Variants in PPP2CA observed in about 807,000 individuals in gnomAD.
PPP2CA encodes serine/threonine-protein phosphatase 2A catalytic subunit alpha isoform.
Under a neutral mutation model 38.8 loss-of-function variants are expected in PPP2CA, and 5 were observed. That is an observed-to-expected ratio of 0.13 (90% CI 0.07 to 0.27). The LOEUF (loss-of-function observed/expected upper bound fraction) is 0.27, where lower values mean the gene tolerates loss of function less well. Among genes scored for constraint, PPP2CA ranks in the 10% least tolerant of loss-of-function variants. PPP2CA has a pLI of 1.00. For missense variants in PPP2CA, 88 were observed against 389.7 expected, an observed-to-expected ratio of 0.23 and a Z score of 6.52; for synonymous variants, 152 against 134.0, an observed-to-expected ratio of 1.13 and a Z score of -0.93.
At chr5:134,207,247 T>TA (rs1322684669) in intron 1 of PPP2CA, among the ~76,000 whole-genome samples, 1 of 151,684 alleles carries the variant, frequency 6.6e-6, no homozygotes, top group Non-Finnish European at 1.5e-5. Flanking sequence ...CCACTAAAAA[T>TA]AAAAAAAACT....
At chr5:134,207,022 G>A (rs375532827) in intron 1 of PPP2CA, among the ~76,000 whole-genome samples, 1 of 152,204 alleles carries the variant, frequency 6.6e-6, no homozygotes. Context: ...CAAATTACCA[G>A]AGAATTGTTG....
intron 1 of PPP2CA, among the ~76,000 whole-genome samples, chr5:134,209,648 T>C (rs1399699048): frequency 2.0e-5 from 3 of 152,018 alleles, no homozygotes; most frequent in Non-Finnish European, 4.4e-5. Flanking sequence ...TGTTGTGGTG[T>C]AGGCCCGTAA....
chr5:134,211,244 C>T (rs1762198070), intron 1 of PPP2CA, among the ~76,000 whole-genome samples: 1 of 152,074 alleles, frequency 6.6e-6, no homozygotes, highest in Non-Finnish European at 1.5e-5. Context: ...GCATGCACCA[C>T]TGAGGACACT....
At chr5:134,209,481 G>T (rs558094965) in intron 1 of PPP2CA, among the ~76,000 whole-genome samples, 5 of 152,288 alleles carry the variant, frequency 3.3e-5, no homozygotes, top group African/African-American at 1.2e-4. Flanking sequence ...TCATATAAAA[G>T]ATCATTTTGG....
chr5:134,197,937 TC>T (rs1761889096), intron 6 of PPP2CA, 93 bp from the exon 7 acceptor site: 2 of 1,043,574 alleles, frequency 1.9e-6, no homozygotes, highest in Non-Finnish European at 3.0e-6. Flanking sequence ...ACTTTACACT[TC>T]CTATTCAATT....
rs1330304065 is a variant in PPP2CA at position 134,197,777 on chromosome 5, G to A, written c.925C>T (p.Leu309=). 2 of 1,613,562 alleles carry A rather than the reference G, an allele frequency of 1.2e-6. No homozygotes were observed. Among genetic ancestry groups the A allele is most frequent in the Non-Finnish European group, 1.7e-6 (2 of 1,179,494 alleles). ...TGTACAAGTTTAAAATTTCATTACA[G>A]GAAGTAGTCTGGGGTACGACGAGTA... ...HVTRRTPDYF[L] The change falls in exon 7 of 7, where the codon CTG becomes TTG. Residue 309 remains leucine, a synonymous_variant. Coordinates refer to ENST00000481195, the MANE Select transcript of PPP2CA (RefSeq NM_002715.4).
intron 5 of PPP2CA, chr5:134,199,418 CTTG>C: frequency 2.9e-6 from 1 of 340,020 alleles, no homozygotes; most frequent in Non-Finnish European, 5.2e-6. Context: ...AATTACAAAA[CTTG>C]TTTTTTTTTT....
intron 6 of PPP2CA, 73 bp from the exon 7 acceptor site, chr5:134,197,917 A>C: frequency 7.7e-7 from 1 of 1,294,176 alleles, no homozygotes; most frequent in Non-Finnish European, 1.1e-6. Flanking sequence ...CAAGAACATG[A>C]GTCTTCCAAA....
intron 5 of PPP2CA, 120 bp from the exon 6 acceptor site, chr5:134,199,324 T>C (rs1232583937): frequency 1.4e-6 from 1 of 704,312 alleles, no homozygotes. Context: ...GCTTAAGAAA[T>C]GTTAATGCTT....
rs1296951642 is a variant in PPP2CA at position 134,225,805 on chromosome 5, C to T, written c.57G>A (p.Glu19=). The change falls in exon 1 of 7, where the codon GAG becomes GAA. Residue 19 remains glutamate, a synonymous_variant. Transcript: ENST00000481195. ...ELDQWIEQLN[E]CKQLSESQVK... ...CCTGGGACTCGGACAGCTGCTTGCA[C>T]TCGTTCAGCTGCTCGATCCACTGGT... 3.1e-6 allele frequency: 5 copies of T among 1,610,848 alleles called. No homozygotes were observed. Among genetic ancestry groups the T allele is most frequent in the Non-Finnish European group, 4.2e-6 (5 of 1,179,224 alleles).
chr5:134,214,811 C>T (rs912773005), intron 1 of PPP2CA, among the ~76,000 whole-genome samples: 5 of 151,690 alleles, frequency 3.3e-5, no homozygotes, highest in Non-Finnish European at 5.9e-5. Context: ...TTTTCTATGC[C>T]CATTTTTGCT....
chr5:134,201,146 T>C (rs1228881910), intron 3 of PPP2CA, 72 bp from the exon 4 acceptor site: 5 of 1,183,982 alleles, frequency 4.2e-6, no homozygotes, highest in Non-Finnish European at 6.3e-6. Context: ...GCACAGTGGC[T>C]CATGCCTGTA....
chr5:134,211,167 T>G (rs972309063), intron 1 of PPP2CA, among the ~76,000 whole-genome samples: 1 of 152,048 alleles, frequency 6.6e-6, no homozygotes, highest in African/African-American at 2.4e-5. Flanking sequence ...CACGGCTCAC[T>G]GCAGCCTTGA....
rs553268467 is a variant in PPP2CA, at chr5:134,196,403, G to C, written c.*1369C>G. On this transcript the variant is annotated 3_prime_UTR_variant, in exon 7 of 7. Transcript: ENST00000481195. Reference sequence around the variant, plus strand: ...ATCTAATCCTATTCGAAGGATAAAAGGGGAAAAACTCATTAAATGTTGAAC... The same window carrying C: ...ATCTAATCCTATTCGAAGGATAAAACGGGAAAAACTCATTAAATGTTGAAC... The C allele has an allele frequency of 6.6e-6, 1 of 152,280 alleles. No homozygotes were observed. The highest frequency in any genetic ancestry group is 2.1e-4 in the South Asian group (1 of 4,828). The allele number at this position is 152,280 out of a possible 1,614,324, so 9.4% of individuals were successfully genotyped here. A position where few individuals can be genotyped will look rare whatever the true frequency, so the allele number is the denominator to read the frequency against.
At chr5:134,204,264 C>T (rs114227339) in intron 2 of PPP2CA, among the ~76,000 whole-genome samples, 3,074 of 152,310 alleles carry the variant, frequency 0.02, 30 homozygotes, top group Middle Eastern at 0.041. Flanking sequence ...GGGAAAAAAT[C>T]TCCCCAAGAT....
intron 1 of PPP2CA, among the ~76,000 whole-genome samples, chr5:134,223,109 G>A (rs1224257367): frequency 6.6e-6 from 1 of 152,040 alleles, no homozygotes; most frequent in Non-Finnish European, 1.5e-5. Context: ...TAGAAGGAAG[G>A]CTTTTACATT....
At chr5:134,198,031 CCA>C (rs1366910448) in intron 6 of PPP2CA, among the ~76,000 whole-genome samples, 187 bp from the exon 7 acceptor site, 15 of 152,232 alleles carry the variant, frequency 9.9e-5, no homozygotes, top group Non-Finnish European at 1.9e-4. Context: ...GCAACTTCAG[CCA>C]CAGAGACTAT....
In PPP2CA at chr5:134,195,937, G is replaced by C. The variant is rs531479402; in HGVS notation, c.*1835C>G. 6.6e-5 allele frequency: 10 copies of C among 152,264 alleles called. No individual in the cohort carries two copies. The South Asian group carries it at 1.7e-3, about 25-fold the overall frequency. 9.4% of individuals were successfully genotyped at this position (152,264 alleles called of 1,614,324 possible). On this transcript the variant is annotated 3_prime_UTR_variant, in exon 7 of 7. Coordinates refer to ENST00000481195, the MANE Select transcript of PPP2CA (RefSeq NM_002715.4). ...GGTCAATTCTGATATCACAGGACCG[G>C]AAAAAATAGCTGCTTGGTGTCTAGA...
At position 134,197,623 on chromosome 5, in the gene PPP2CA, A is replaced by AT; in HGVS notation, c.*148dup. The AT allele has an allele frequency of 1.6e-6, 1 of 644,854 alleles. No individual in the cohort carries two copies. Among genetic ancestry groups the AT allele is most frequent in the Non-Finnish European group, 2.7e-6 (1 of 364,354 alleles). 39.9% of individuals were successfully genotyped at this position (644,854 alleles called of 1,614,324 possible). On this transcript the variant is annotated 3_prime_UTR_variant, in exon 7 of 7. Transcript: ENST00000481195. The stretch of plus-strand genomic sequence containing the variant: ...GGCTGTTGATGACAAGAGGCTTTGT[A>AT]TTTTTATATGGCACATCTTTTGGTC...
Sources: gnomAD v4.1 joint callset for allele counts (sites outside exome capture counted in the v4.1 genomes callset) on GRCh38, gnomAD v4.1.1 for gene constraint, MANE v1.5 for transcripts, NCBI Gene and HGNC (gene_info 2026-07-23, HGNC 2026-07-21) for gene names.